Variants in ACAN observed in about 807,000 individuals in gnomAD.
The protein encoded by ACAN is aggrecan core protein.
A neutral mutation model predicts 169.1 loss-of-function variants in ACAN; 47 were observed. The ratio of observed to expected loss-of-function variants is 0.28; its 90% confidence interval spans 0.22 to 0.35. The LOEUF (loss-of-function observed/expected upper bound fraction) is 0.35, where lower values mean the gene tolerates loss of function less well. ACAN is among the 10% of genes least tolerant of loss of function. The pLI is 1.00. For missense variants in ACAN, 2,716 were observed against 2,759.9 expected, an observed-to-expected ratio of 0.98 and a Z score of 0.36; for synonymous variants, 1,115 against 1,112.2, an observed-to-expected ratio of 1.00 and a Z score of -0.05.
intron 1 of ACAN, among the ~76,000 whole-genome samples, chr15:88,830,036 G>C (rs781010817): frequency 3.3e-5 from 5 of 152,158 alleles, no homozygotes; most frequent in Non-Finnish European, 5.9e-5. Context: ...TCAGGGAGGA[G>C]GCCTGCAGGA....
At chr15:88,820,008 G>A (rs1376691454) in intron 1 of ACAN, among the ~76,000 whole-genome samples, 1 of 152,078 alleles carries the variant, frequency 6.6e-6, no homozygotes. Context: ...TACCCCCTCT[G>A]AGCCTCTGTC....
Position 88,842,350 on chromosome 15 carries a change from G to C in ACAN, c.757+483G>C, listed in dbSNP as rs549104431. Among the ~76,000 whole-genome samples, 4 of 152,324 alleles carry C rather than the reference G, an allele frequency of 2.6e-5. No homozygotes were observed. The South Asian group carries it at 8.3e-4, about 32-fold the overall frequency. On this transcript the variant is annotated intron_variant, in intron 5 of 18. Transcript: ENST00000560601. ...GCTCTGTTCTTGGACAGAGCTGGGGGCAGTGGAGAGGAACCTGGGCTTTTT... is the reference window on the plus strand; with the variant it reads ...GCTCTGTTCTTGGACAGAGCTGGGGCCAGTGGAGAGGAACCTGGGCTTTTT...
rs1447720308 is a variant in ACAN, at chr15:88,870,511, T to G, written c.7061-871T>G. On this transcript the variant is annotated intron_variant, in intron 14 of 18. Coordinates refer to ENST00000560601, the MANE Select transcript of ACAN (RefSeq NM_001369268.1). The surrounding 1 kb of genome is among the most constrained non-coding windows in gnomAD (Gnocchi z 6.3). ...GTAAATGCTTCCACCGGGGCCAGTT[T>G]AAAGCTATCAACATGATGTCACTGA... is the stretch of plus-strand genomic sequence containing the variant. Among the ~76,000 whole-genome samples the G allele has an allele frequency of 6.6e-6, 1 of 152,126 alleles. No individual in the cohort carries two copies. The highest frequency in any genetic ancestry group is 1.9e-4 in the East Asian group (1 of 5,166).
intron 1 of ACAN, among the ~76,000 whole-genome samples, chr15:88,834,784 C>T (rs552371118): frequency 2.6e-5 from 4 of 152,278 alleles, no homozygotes; most frequent in South Asian, 2.1e-4. Flanking sequence ...TCTAGGCCAG[C>T]GGTGCTCCAT....
chr15:88,868,087 G>C lies in ACAN; in HGVS notation c.6947-129G>C. 1.6e-6 allele frequency: 1 copy of C among 621,334 alleles called. No individual in the cohort carries two copies. The allele number at this position is 621,334 out of a possible 1,614,324, so 38.5% of individuals were successfully genotyped here. A position where few individuals can be genotyped will look rare whatever the true frequency, so the allele number is the denominator to read the frequency against. ...GCAGCAGCAGCAGCAACAGTTCTCA[G>C]GAAAACCAGCCAGTTCCCTCCCAGG... On this transcript the variant is annotated intron_variant, in intron 13 of 18. Transcript: ENST00000560601. The surrounding 1 kb of genome is among the most constrained non-coding windows in gnomAD (Gnocchi z 5.2).
intron 1 of ACAN, among the ~76,000 whole-genome samples, chr15:88,806,604 C>T (rs1164128193): frequency 6.6e-6 from 1 of 152,186 alleles, no homozygotes; most frequent in Non-Finnish European, 1.5e-5. Flanking sequence ...CTGCCTCAGC[C>T]TCCCAAAATG....
At chr15:88,837,697 T>A (rs1408939564) in intron 2 of ACAN, among the ~76,000 whole-genome samples, 3 of 152,166 alleles carry the variant, frequency 2.0e-5, no homozygotes, top group Non-Finnish European at 4.4e-5. Flanking sequence ...AAGATGCCTG[T>A]GGAAGGGGCC....
intron 4 of ACAN, among the ~76,000 whole-genome samples, chr15:88,841,084 G>A (rs1307553858): frequency 6.6e-6 from 1 of 152,254 alleles, no homozygotes; most frequent in African/African-American, 2.4e-5. Flanking sequence ...GGTGGAGCTT[G>A]CAGTGAGCCG....
chr15:88,849,556 C>A lies in ACAN; in HGVS notation c.1851C>A (p.Arg617=). The A allele has an allele frequency of 1.2e-6, 2 of 1,606,120 alleles. No homozygotes were observed. Among genetic ancestry groups the A allele is most frequent in the Non-Finnish European group, 1.7e-6 (2 of 1,176,666 alleles). The change falls in exon 10 of 19, where the codon CGC becomes CGA. Residue 617 remains arginine, a synonymous_variant. Transcript: ENST00000560601. This position sits in a 1 kb window ranked among gnomAD's most constrained non-coding sequence, Gnocchi z 5.1. ...TTGQLYAAWS[R]GLDKCYAGWL... is the part of the protein sequence containing the mutation. ...GCCAGCTCTACGCCGCCTGGAGCCG[C>A]GGCCTGGACAAGTGCTATGCCGGCT...
chr15:88,857,480 A>C lies in ACAN; in HGVS notation c.4895A>C (p.Glu1632Ala), dbSNP rs777446851. The stretch of plus-strand genomic sequence containing the variant: ...GGTCTTCCCTCTGGATTTAGTGGTG[A>C]GTATTCTGGGGTGGACCTTGGAAGT... Reference protein sequence around the residue: ...TSGLPSGFSGEYSGVDLGSGP... With the variant: ...TSGLPSGFSGAYSGVDLGSGP... The change falls in exon 12 of 19, where the codon GAG becomes GCG. Residue 1632 changes from glutamate to alanine, a missense_variant. Coordinates refer to ENST00000560601, the MANE Select transcript of ACAN (RefSeq NM_001369268.1). The C allele has an allele frequency of 6.2e-7, 1 of 1,613,766 alleles. No individual in the cohort carries two copies. Among genetic ancestry groups the C allele is most frequent in the Non-Finnish European group, 8.5e-7 (1 of 1,179,892 alleles).
chr15:88,848,145 A>G, intron 9 of ACAN, 107 bp downstream of exon 9: 1 of 1,470,056 alleles, frequency 6.8e-7, no homozygotes, highest in Non-Finnish European at 9.2e-7. Flanking sequence ...CCCACCCCTG[A>G]TTCCACCCAG....
At chr15:88,853,589 G>A (rs1250284657) in intron 11 of ACAN, among the ~76,000 whole-genome samples, 1 of 152,144 alleles carries the variant, frequency 6.6e-6, no homozygotes, top group Non-Finnish European at 1.5e-5. Context: ...AGTCAGCCAA[G>A]ATGGTGCCAC....
At chr15:88,842,391 C>A (rs2141573610) in intron 5 of ACAN, among the ~76,000 whole-genome samples, 1 of 152,300 alleles carries the variant, frequency 6.6e-6, no homozygotes, top group South Asian at 2.1e-4. Context: ...TTGTAAAGGG[C>A]ACCAGTTTTA....
chr15:88,818,879 T>A (rs887838315), intron 1 of ACAN, among the ~76,000 whole-genome samples: 1 of 152,252 alleles, frequency 6.6e-6, no homozygotes, highest in African/African-American at 2.4e-5. Context: ...GCCACTGAAC[T>A]GTACATTTTT....
intron 1 of ACAN, among the ~76,000 whole-genome samples, chr15:88,818,020 G>C (rs957780660): frequency 7.2e-5 from 11 of 152,108 alleles, no homozygotes; most frequent in Admixed American, 5.9e-4. Context: ...TGTATTCTAT[G>C]TGTTATTTTG....
Position 88,855,115 on chromosome 15 carries a change from C to T in ACAN, c.2530C>T (p.Pro844Ser), listed in dbSNP as rs1433688834. The T allele has an allele frequency of 1.9e-6, 3 of 1,606,086 alleles. No homozygotes were observed. Among genetic ancestry groups the T allele is most frequent in the Non-Finnish European group, 1.7e-6 (2 of 1,175,892 alleles). ...ATCAGCCTCGGAAGAGCCGTATACA[C>T]CTTCACCCCCCGTGCCCAGCTGGAC... is the stretch of plus-strand genomic sequence containing the variant. ...EPSASEEPYT[P>S]SPPVPSWTEL... Residue 844 changes from proline (P) to serine (S), a missense_variant, in exon 12 of 19, where the codon CCT (proline) becomes TCT (serine). By Grantham distance (74) the Pro-to-Ser change is moderately conservative. Coordinates refer to ENST00000560601, the MANE Select transcript of ACAN (RefSeq NM_001369268.1).
In ACAN at chr15:88,838,054, C is replaced by A. The variant is rs1896550517; in HGVS notation, c.71-609C>A. On this transcript the variant is annotated intron_variant, in intron 2 of 18. Transcript: ENST00000560601. The surrounding 1 kb of genome is among the most constrained non-coding windows in gnomAD (Gnocchi z 5.1). ...TGATCCTATCCCATCGCCTCTCCTG[C>A]ATCTGACTGTTTGCACACCAAAAGG... Among the ~76,000 whole-genome samples the A allele has an allele frequency of 6.6e-6, 1 of 151,926 alleles. No individual in the cohort carries two copies. The highest frequency in any genetic ancestry group is 2.4e-5 in the African/African-American group (1 of 41,356).
rs747665270 is a variant in ACAN at position 88,858,348 on chromosome 15, A to G, written c.5763A>G (p.Ala1921=). 1.9e-6 allele frequency: 3 copies of G among 1,613,936 alleles called. No individual in the cohort carries two copies. The highest frequency in any genetic ancestry group is 4.5e-5 in the East Asian group (2 of 44,878). The change falls in exon 12 of 19, where the codon GCA becomes GCG. Residue 1921 remains alanine (A), a synonymous_variant. Transcript: ENST00000560601. The surrounding 1 kb of genome is among the most constrained non-coding windows in gnomAD (Gnocchi z 4.0). ...AEIGSSLPSG[A]YYGSGTPSSF... is the part of the protein sequence containing the mutation. ...TTGGGAGCAGCCTGCCCTCGGGAGC[A>G]TATTATGGCAGTGGAACTCCATCTA...
chr15:88,808,593 TG>T (rs1006258035), intron 1 of ACAN, among the ~76,000 whole-genome samples: 1 of 152,184 alleles, frequency 6.6e-6, no homozygotes, highest in African/African-American at 2.4e-5. Context: ...TGGCCATGTC[TG>T]GAGACATTTT....
Sources: allele counts gnomAD v4.1 joint callset (sites outside exome capture counted in the v4.1 genomes callset), GRCh38; gene constraint gnomAD v4.1.1; non-coding constraint Gnocchi (gnomAD v3.1); transcripts MANE v1.5; gene names NCBI Gene and HGNC (gene_info 2026-07-23, HGNC 2026-07-21).